HPSE2: variants seen among roughly 807,000 people sequenced by gnomAD.
HPSE2 encodes the protein heparanase 2 (inactive), also known as inactive heparanase-2.
HPSE2 carries 38 observed loss-of-function variants against 60.5 expected under a neutral mutation model. The ratio of observed to expected loss-of-function variants is 0.63; its 90% CI spans 0.48 to 0.82. The LOEUF is 0.82. Ranked by LOEUF, HPSE2 falls within the 40% of genes least tolerant of loss-of-function variation. HPSE2 has a pLI of 0.00. For synonymous variants in HPSE2, 295 were observed against 293.2 expected (o/e 1.01, Z -0.06); for missense variants, 713 against 740.4 (o/e 0.96, Z 0.43).
chr10:99,133,980 A>C (rs995260946), intron 3 of HPSE2, among the ~76,000 whole-genome samples: 1 of 152,218 alleles, frequency 6.6e-6, no homozygotes, highest in Non-Finnish European at 1.5e-5. Context: ...CCTTGAAAAA[A>C]GGTTAGACGA....
intron 3 of HPSE2, among the ~76,000 whole-genome samples, chr10:98,896,560 A>T (rs889068805): frequency 6.6e-6 from 1 of 152,182 alleles, no homozygotes; most frequent in Non-Finnish European, 1.5e-5. Flanking sequence ...ACCTAAAATC[A>T]ATAACATGGT....
At chr10:99,108,169 A>T (rs1844320110) in intron 3 of HPSE2, among the ~76,000 whole-genome samples, 1 of 152,204 alleles carries the variant, frequency 6.6e-6, no homozygotes, top group Non-Finnish European at 1.5e-5. Flanking sequence ...GCTACTACAT[A>T]GCAAACAGCT....
intron 3 of HPSE2, among the ~76,000 whole-genome samples, chr10:99,132,476 C>G (rs746611677): frequency 6.6e-6 from 1 of 152,072 alleles, no homozygotes; most frequent in Non-Finnish European, 1.5e-5. Flanking sequence ...GGAGAAGCTC[C>G]AGTCTGCATC....
chr10:98,892,196 C>T (rs763487129), intron 3 of HPSE2, among the ~76,000 whole-genome samples: 1 of 151,938 alleles, frequency 6.6e-6, no homozygotes, highest in African/African-American at 2.4e-5. Context: ...TGAAAAATCT[C>T]AAAATTAAGT....
At chr10:98,910,633 G>A (rs1953952948) in intron 3 of HPSE2, among the ~76,000 whole-genome samples, 1 of 152,166 alleles carries the variant, frequency 6.6e-6, no homozygotes, top group Non-Finnish European at 1.5e-5. Context: ...GCAGGCCTGA[G>A]AACGGGCCCA....
At chr10:98,816,781 T>C (rs1951300171) in intron 3 of HPSE2, among the ~76,000 whole-genome samples, 1 of 152,244 alleles carries the variant, frequency 6.6e-6, no homozygotes, top group African/African-American at 2.4e-5. Flanking sequence ...TGGGACACTA[T>C]TCAGGGCTGT....
Position 99,235,843 on chromosome 10 carries a change from G to C in HPSE2, c.-41C>G. The C allele has an allele frequency of 6.4e-7, 1 of 1,559,462 alleles. No individual in the cohort carries two copies. The highest frequency in any genetic ancestry group is 8.8e-7 in the Non-Finnish European group (1 of 1,132,538). On this transcript the variant is annotated 5_prime_UTR_variant, in exon 1 of 12. Coordinates refer to ENST00000370552, the MANE Select transcript of HPSE2 (RefSeq NM_021828.5). The stretch of plus-strand genomic sequence containing the variant: ...TAAACCTCTCTTCCTACTGGGTCTC[G>C]CTAGTGACTAATTGTCCTTATCTAA...
intron 11 of HPSE2, 128 bp downstream of exon 11, chr10:98,482,508 C>T: frequency 1.8e-6 from 2 of 1,140,010 alleles, no homozygotes; most frequent in South Asian, 2.5e-5. Context: ...TGACCCCAGA[C>T]CGCTCTTTGT....
intron 3 of HPSE2, chr10:99,047,853 C>T (rs1345835072): frequency 5.1e-6 from 4 of 779,188 alleles, no homozygotes; most frequent in African/African-American, 1.7e-5. Context: ...ATTTGAATGG[C>T]GAGGATGGCA....
At chr10:99,181,104 T>C (rs1025506777) in intron 2 of HPSE2, among the ~76,000 whole-genome samples, 6 of 151,964 alleles carry the variant, frequency 3.9e-5, no homozygotes, top group African/African-American at 9.7e-5. Flanking sequence ...CATTCTACTA[T>C]AAAGACACAC....
chr10:99,060,646 G>A (rs1038331126), intron 3 of HPSE2, among the ~76,000 whole-genome samples: 4 of 102,426 alleles, frequency 3.9e-5, no homozygotes, highest in Non-Finnish European at 7.2e-5. Flanking sequence ...CAATAAGAGC[G>A]AAACTCTGTC....
At chr10:98,558,809 AG>A (rs1944087798) in intron 9 of HPSE2, among the ~76,000 whole-genome samples, 2 of 152,238 alleles carry the variant, frequency 1.3e-5, no homozygotes, top group Admixed American at 1.3e-4. Flanking sequence ...ATCTCACGAA[AG>A]GGAGATTTCA....
intron 3 of HPSE2, among the ~76,000 whole-genome samples, chr10:99,071,845 T>C (rs147632731): frequency 4.1e-4 from 62 of 152,344 alleles, no homozygotes; most frequent in Non-Finnish European, 6.2e-4. Context: ...TTGCCTATTC[T>C]TGGCACAGTT....
intron 9 of HPSE2, among the ~76,000 whole-genome samples, chr10:98,495,437 G>A (rs10786429): frequency 0.84 from 127,863 of 152,026 alleles, 55,563 homozygotes; most frequent in East Asian, 0.96. Context: ...AATTTGAGAC[G>A]TTTTCAGCCA....
intron 3 of HPSE2, among the ~76,000 whole-genome samples, chr10:98,910,017 G>A (rs539386998): frequency 2.0e-5 from 3 of 152,242 alleles, no homozygotes; most frequent in Admixed American, 6.5e-5. Flanking sequence ...TATTTTCCAA[G>A]TTTTCTGAAA....
At chr10:98,798,350 A>G (rs1950827652) in intron 3 of HPSE2, among the ~76,000 whole-genome samples, 1 of 152,226 alleles carries the variant, frequency 6.6e-6, no homozygotes, top group South Asian at 2.1e-4. Context: ...ATTCTGAAAG[A>G]AAAAGATGTT....
At chr10:99,047,310 C>G (rs912747232) in intron 3 of HPSE2, among the ~76,000 whole-genome samples, 50 of 152,122 alleles carry the variant, frequency 3.3e-4, no homozygotes, top group African/African-American at 1.2e-3. Context: ...TCACCATATA[C>G]AAAAATTAAC....
At chr10:98,776,404 G>A (rs115700051) in intron 3 of HPSE2, among the ~76,000 whole-genome samples, 2,060 of 152,130 alleles carry the variant, frequency 0.014, 40 homozygotes, top group African/African-American at 0.046. Context: ...CCGAGATCAC[G>A]CCATTGTACT....
intron 3 of HPSE2, among the ~76,000 whole-genome samples, chr10:98,753,010 G>T (rs1487234661): frequency 6.6e-6 from 1 of 152,186 alleles, no homozygotes; most frequent in Non-Finnish European, 1.5e-5. Context: ...AAGAAGCAGA[G>T]GGTAGAATGG....
Sources: allele counts gnomAD v4.1 joint callset (sites outside exome capture counted in the v4.1 genomes callset), GRCh38; gene constraint gnomAD v4.1.1; transcripts MANE v1.5; gene names NCBI Gene and HGNC (gene_info 2026-07-23, HGNC 2026-07-21).